PDZRN4: variants seen among roughly 807,000 people sequenced by gnomAD.
PDZRN4 encodes the protein PDZ domain-containing RING finger protein 4.
A neutral mutation model predicts 99.0 loss-of-function variants in PDZRN4; 70 were observed. The observed-to-expected ratio is 0.71, with a 90% CI of 0.58 to 0.86. The LOEUF (loss-of-function observed/expected upper bound fraction) is 0.86, where lower values mean the gene tolerates loss of function less well. Among genes scored for constraint, PDZRN4 ranks in the 40% least tolerant of loss-of-function variants. The pLI, the probability that PDZRN4 is intolerant of heterozygous loss-of-function variation, is 0.00. For synonymous variants in PDZRN4, 551 were observed against 501.6 expected (o/e 1.10, Z -1.32); for missense variants, 1,474 against 1,331.2 (o/e 1.11, Z -1.67).
intron 7 of PDZRN4, among the ~76,000 whole-genome samples, chr12:41,560,326 A>G (rs1374265696): frequency 6.6e-6 from 1 of 152,150 alleles, no homozygotes; most frequent in African/African-American, 2.4e-5. Flanking sequence ...GCTATATTAC[A>G]TCTCATTTCT....
At chr12:41,476,884 A>G (rs1294737477) in intron 3 of PDZRN4, among the ~76,000 whole-genome samples, 1 of 152,196 alleles carries the variant, frequency 6.6e-6, no homozygotes, top group Non-Finnish European at 1.5e-5. Context: ...CTGCCAAGAC[A>G]TTTATCAGTC....
At chr12:41,546,731 A>G (rs285595) in intron 5 of PDZRN4, among the ~76,000 whole-genome samples, 86,322 of 152,044 alleles carry the variant, frequency 0.57, 26,140 homozygotes, top group African/African-American at 0.8. Flanking sequence ...AATTATTGAC[A>G]GTGAGAAGGG....
chr12:41,417,178 T>C (rs1414429247), intron 3 of PDZRN4, among the ~76,000 whole-genome samples: 1 of 152,168 alleles, frequency 6.6e-6, no homozygotes, highest in Non-Finnish European at 1.5e-5. Flanking sequence ...AACACATCTT[T>C]AGATATTTTT....
Position 41,572,787 on chromosome 12 carries a change from A to G in PDZRN4, c.2008A>G (p.Asn670Asp). Residue 670 changes from asparagine (N) to aspartate (D), a missense_variant, in exon 10 of 10, where the codon AAT becomes GAT. By Grantham distance (23) the Asn-to-Asp change is conservative. Coordinates refer to ENST00000402685, the MANE Select transcript of PDZRN4 (RefSeq NM_001164595.2). Reference sequence around the variant, plus strand: ...AGTGGAGCATGAGCTACAGTTGCTTAATGAAGAACTGAGAAACATTGAGCT... The same window carrying G: ...AGTGGAGCATGAGCTACAGTTGCTTGATGAAGAACTGAGAAACATTGAGCT... ...EGVEHELQLL[N>D]EELRNIELEC... 1.2e-6 allele frequency: 2 copies of G among 1,614,156 alleles called. No homozygotes were observed. Among genetic ancestry groups the G allele is most frequent in the Non-Finnish European group, 8.5e-7 (1 of 1,180,004 alleles).
chr12:41,541,565 A>T (rs1403676818), intron 5 of PDZRN4, among the ~76,000 whole-genome samples: 2 of 149,524 alleles, frequency 1.3e-5, no homozygotes, highest in African/African-American at 4.9e-5. Flanking sequence ...ACCATTCTCC[A>T]GCCTCAGCCT....
intron 3 of PDZRN4, among the ~76,000 whole-genome samples, chr12:41,457,277 A>G (rs1198388745): frequency 6.6e-6 from 1 of 152,168 alleles, no homozygotes; most frequent in Non-Finnish European, 1.5e-5. Context: ...ATTTGTATAA[A>G]CAAAAATATT....
chr12:41,191,672 T>G (rs1193478301), intron 2 of PDZRN4, 128 bp downstream of exon 2: 1 of 509,048 alleles, frequency 2.0e-6, no homozygotes. Flanking sequence ...AAACAAGTGG[T>G]TTAATCTTTA....
Position 41,278,834 on chromosome 12 carries a change from G to A in PDZRN4, c.843+84646G>A, listed in dbSNP as rs922702982. Among the ~76,000 whole-genome samples, 7 of 152,296 alleles carry A rather than the reference G, an allele frequency of 4.6e-5. No individual in the cohort carries two copies. The South Asian group carries it at 1.5e-3, about 32-fold the overall frequency. On this transcript the variant is annotated intron_variant, in intron 3 of 9. Transcript: ENST00000402685. ...AATATCTTCTTAGTGCGGATTAAAT[G>A]GAGGGTCTCAGTATTTGTTTTGGGA... is the stretch of plus-strand genomic sequence containing the variant.
intron 3 of PDZRN4, among the ~76,000 whole-genome samples, chr12:41,201,870 T>C (rs918931364): frequency 5.9e-5 from 9 of 152,142 alleles, no homozygotes; most frequent in African/African-American, 1.9e-4. Flanking sequence ...AGAATCCAAG[T>C]CTACAAGGCA....
At chr12:41,497,332 G>A (rs537912103) in intron 3 of PDZRN4, among the ~76,000 whole-genome samples, 1 of 152,160 alleles carries the variant, frequency 6.6e-6, no homozygotes, top group Non-Finnish European at 1.5e-5. Flanking sequence ...TTTATTTCAA[G>A]TGTTTATTGT....
intron 3 of PDZRN4, among the ~76,000 whole-genome samples, chr12:41,472,206 T>C (rs1953000132): frequency 6.6e-6 from 1 of 152,220 alleles, no homozygotes; most frequent in African/African-American, 2.4e-5. Context: ...TTTCTCCATG[T>C]TGGTCAAGCT....
chr12:41,486,050 G>A (rs1937767198), intron 3 of PDZRN4, among the ~76,000 whole-genome samples: 4 of 152,112 alleles, frequency 2.6e-5, no homozygotes, highest in Admixed American at 1.3e-4. Context: ...ATGTAAGGCG[G>A]AATAATAGAT....
At chr12:41,331,818 A>G (rs1003725372) in intron 3 of PDZRN4, among the ~76,000 whole-genome samples, 7 of 152,054 alleles carry the variant, frequency 4.6e-5, no homozygotes, top group Non-Finnish European at 1.0e-4. Flanking sequence ...AGCCCCTTAT[A>G]AAACCTATGA....
intron 3 of PDZRN4, among the ~76,000 whole-genome samples, chr12:41,351,868 G>C (rs149282873): frequency 1.3e-5 from 2 of 151,984 alleles, no homozygotes; most frequent in African/African-American, 4.8e-5. Flanking sequence ...GAATAAACTG[G>C]GCATGGTGAT....
chr12:41,198,346 C>A (rs902052812), intron 3 of PDZRN4, among the ~76,000 whole-genome samples: 1 of 152,074 alleles, frequency 6.6e-6, no homozygotes, highest in Admixed American at 6.5e-5. Context: ...ACCCCTGCAG[C>A]TCCAGGCCAA....
At chr12:41,478,002 AGGACAAATGTGGCTGCTTT>A in intron 3 of PDZRN4, 2 of 872,792 alleles carry the variant, frequency 2.3e-6, no homozygotes, top group Middle Eastern at 2.7e-4. Flanking sequence ...TATAGATAAG[AGGACAAATGTGGCTGCTTT>A]GGTCTTTGTG....
At chr12:41,323,679 C>T (rs1951693769) in intron 3 of PDZRN4, among the ~76,000 whole-genome samples, 1 of 151,854 alleles carries the variant, frequency 6.6e-6, no homozygotes, top group Non-Finnish European at 1.5e-5. Flanking sequence ...AAGTATGTCA[C>T]TAATACAGTA....
intron 3 of PDZRN4, among the ~76,000 whole-genome samples, chr12:41,344,790 T>C (rs1951841463): frequency 6.7e-6 from 1 of 148,872 alleles, no homozygotes; most frequent in African/African-American, 2.4e-5. Context: ...ATATTTAAAA[T>C]TTTACATAAT....
intron 3 of PDZRN4, among the ~76,000 whole-genome samples, chr12:41,210,923 T>C (rs958934027): frequency 6.6e-6 from 1 of 152,000 alleles, no homozygotes; most frequent in Non-Finnish European, 1.5e-5. Context: ...TTCTAAATCA[T>C]TGAAATCTAT....
Sources: gnomAD v4.1 joint callset for allele counts (sites outside exome capture counted in the v4.1 genomes callset) on GRCh38, gnomAD v4.1.1 for gene constraint, MANE v1.5 for transcripts, NCBI Gene and HGNC (gene_info 2026-07-23, HGNC 2026-07-21) for gene names.